The following LAG3 variants were observed in gnomAD, a reference collection of about 807,000 sequenced individuals.
The protein encoded by LAG3 is lymphocyte activation gene 3 protein.
Under a neutral mutation model 49.0 loss-of-function variants are expected in LAG3, and 29 were observed. The ratio of observed to expected loss-of-function variants is 0.59; its 90% CI spans 0.44 to 0.81. The LOEUF is 0.81. Ranked by LOEUF, LAG3 falls within the 30% of genes least tolerant of loss-of-function variation. The pLI is 0.00. For synonymous variants in LAG3, 320 were observed against 297.3 expected, an observed-to-expected ratio of 1.08 and a Z score of -0.79; for missense variants, 693 against 695.2, an observed-to-expected ratio of 1.00 and a Z score of 0.04.
At chr12:6,775,589 T>C (rs758548176) in intron 5 of LAG3, 41 bp downstream of exon 5, 27 of 1,602,100 alleles carry the variant, frequency 1.7e-5, no homozygotes, top group African/African-American at 5.4e-5. Flanking sequence ...CCTCCCAGGG[T>C]AGAAAGGACA....
At position 6,773,602 on chromosome 12, in the gene LAG3, G is replaced by A; in HGVS notation, c.207-95G>A. 7.6e-7 allele frequency: 1 copy of A among 1,319,268 alleles called. No homozygotes were observed. Among genetic ancestry groups the A allele is most frequent in the Non-Finnish European group, 9.7e-7 (1 of 1,032,646 alleles). The allele number at this position is 1,319,268 out of a possible 1,614,324, so 81.7% of individuals were successfully genotyped here. A position where few individuals can be genotyped will look rare whatever the true frequency, so the allele number is the denominator to read the frequency against. Reference sequence around the variant, plus strand: ...ACGGTTGGTGGTCAAGAGAACTCTTGGGGCGGGCTTTCTCATCCTCAACGG... The same window carrying A: ...ACGGTTGGTGGTCAAGAGAACTCTTAGGGCGGGCTTTCTCATCCTCAACGG... On this transcript the variant is annotated intron_variant, in intron 2 of 7. Coordinates refer to ENST00000203629, the MANE Select transcript of LAG3 (RefSeq NM_002286.6). This position sits in a 1 kb window ranked among gnomAD's most constrained non-coding sequence, Gnocchi z 5.5.
At position 6,778,334 on chromosome 12, in the gene LAG3, C is replaced by T. The variant is rs748463565; in HGVS notation, c.1522C>T (p.Pro508Ser). ...AGAGGAGCTGGAGCAAGAACCGGAG[C>T]CGGAGCCGGAGCCGGAACCGGAGCC... Reference protein sequence around the residue: ...KIEELEQEPEPEPEPEPEPEP... With the variant: ...KIEELEQEPESEPEPEPEPEP... Residue 508 changes from proline (P) to serine (S), a missense_variant, in exon 8 of 8, where the codon CCG becomes TCG. Coordinates refer to ENST00000203629, the MANE Select transcript of LAG3 (RefSeq NM_002286.6). 6.2e-7 allele frequency: 1 copy of T among 1,613,050 alleles called. No individual in the cohort carries two copies. The highest frequency in any genetic ancestry group is 1.1e-5 in the South Asian group (1 of 91,072).
chr12:6,778,327 A>ACCGGAGCCGGAGCCGGAG lies in LAG3; in HGVS notation c.1521_1538dup (p.Glu515_Pro520dup). The ACCGGAGCCGGAGCCGGAG allele has an allele frequency of 2.5e-6, 4 of 1,613,304 alleles. No homozygotes were observed. Among genetic ancestry groups the ACCGGAGCCGGAGCCGGAG allele is most frequent in the Middle Eastern group, 3.3e-4 (2 of 6,058 alleles). ...GCAAGATAGAGGAGCTGGAGCAAGAACCGGAGCCGGAGCCGGAGCCGGAAC... is the reference window on the plus strand; with the variant it reads ...GCAAGATAGAGGAGCTGGAGCAAGAACCGGAGCCGGAGCCGGAGCCGGAGCCGGAGCCGGAGCCGGAAC... On this transcript the variant is annotated inframe_insertion, in exon 8 of 8. Coordinates refer to ENST00000203629, the MANE Select transcript of LAG3 (RefSeq NM_002286.6).
intron 5 of LAG3, 108 bp from the exon 6 acceptor site, chr12:6,777,156 T>G: frequency 7.5e-7 from 1 of 1,330,904 alleles, no homozygotes; most frequent in Non-Finnish European, 1.1e-6. Context: ...CAACCTCCCC[T>G]GGCCAGAACC....
intron 5 of LAG3, 91 bp downstream of exon 5, chr12:6,775,639 C>T (rs778710009): frequency 1.0e-5 from 13 of 1,279,732 alleles, no homozygotes; most frequent in Non-Finnish European, 1.2e-5. Flanking sequence ...GGCAAACCCA[C>T]CCTGTGATGC....
At position 6,773,673 on chromosome 12, in the gene LAG3, A is replaced by G; in HGVS notation, c.207-24A>G. 4 of 1,366,836 alleles carry G rather than the reference A, an allele frequency of 2.9e-6. No individual in the cohort carries two copies. The highest frequency in any genetic ancestry group is 3.7e-6 in the Non-Finnish European group (4 of 1,067,284). The allele number at this position is 1,366,836 out of a possible 1,614,324, so 84.7% of individuals were successfully genotyped here. On this transcript the variant is annotated intron_variant, in intron 2 of 7. Coordinates refer to ENST00000203629, the MANE Select transcript of LAG3 (RefSeq NM_002286.6). This position sits in a 1 kb window ranked among gnomAD's most constrained non-coding sequence, Gnocchi z 5.5. ...GGGCTTCCTACCCCTGGAGCTTCTC[A>G]ACTCCATTCTCTTTCCCGCCCAGTG...
chr12:6,777,925 A>G lies in LAG3; in HGVS notation c.1431+4A>G. The stretch of plus-strand genomic sequence containing the variant: ...CTTTCACCTTTGGAGAAGACAGGTG[A>G]GCCAGGGACATGGCAACCCCGCCCC... On this transcript the variant is annotated splice_donor_region_variant and intron_variant, in intron 7 of 7. Transcript: ENST00000203629. 1.9e-6 allele frequency: 3 copies of G among 1,612,958 alleles called. No individual in the cohort carries two copies. Among genetic ancestry groups the G allele is most frequent in the Non-Finnish European group, 2.5e-6 (3 of 1,179,804 alleles).
At chr12:6,775,167 G>A in intron 4 of LAG3, 106 bp from the exon 5 acceptor site, 2 of 1,269,970 alleles carry the variant, frequency 1.6e-6, no homozygotes, top group Non-Finnish European at 1.1e-6. Context: ...GCACTCTTAT[G>A]AGCCAGACCA....
chr12:6,778,231 T>C lies in LAG3; in HGVS notation c.1432-13T>C, dbSNP rs1335662646. 6.4e-7 allele frequency: 1 copy of C among 1,569,474 alleles called. No homozygotes were observed. On this transcript the variant is annotated splice_polypyrimidine_tract_variant and intron_variant, in intron 7 of 7. Coordinates refer to ENST00000203629, the MANE Select transcript of LAG3 (RefSeq NM_002286.6). ...CTTCCGCCCTCCGTCTCTCTCTCCA[T>C]CTCTTCTCACAGTGGCGACCAAGAC... is the stretch of plus-strand genomic sequence containing the variant.
chr12:6,775,175 C>A, intron 4 of LAG3, 98 bp from the exon 5 acceptor site: 1 of 1,310,288 alleles, frequency 7.6e-7, no homozygotes, highest in Non-Finnish European at 1.1e-6. Context: ...ATGAGCCAGA[C>A]CATCTCCTGA....
intron 6 of LAG3, 135 bp downstream of exon 6, chr12:6,777,641 G>A: frequency 6.8e-7 from 1 of 1,462,020 alleles, no homozygotes; most frequent in East Asian, 2.4e-5. Context: ...TTTGCCTAGG[G>A]TTGACCCGTT....
rs1279074759 is a variant in LAG3, at chr12:6,773,044, AC to A, written c.58+138del. On this transcript the variant is annotated intron_variant, in intron 1 of 7. Coordinates refer to ENST00000203629, the MANE Select transcript of LAG3 (RefSeq NM_002286.6). The surrounding 1 kb of genome is among the most constrained non-coding windows in gnomAD (Gnocchi z 5.5). ...AATCCCTTTTTTGGGCAGTCCTTCC[AC>A]CCCGAAAGCCTCTCTGGGCAGAGAA... 7.3e-7 allele frequency: 1 copy of A among 1,369,020 alleles called. No homozygotes were observed. Among genetic ancestry groups the A allele is most frequent in the African/African-American group, 1.5e-5 (1 of 68,902 alleles). The allele number at this position is 1,369,020 out of a possible 1,614,324, so 84.8% of individuals were successfully genotyped here.
chr12:6,777,177 C>T, intron 5 of LAG3, 87 bp from the exon 6 acceptor site: 1 of 1,511,606 alleles, frequency 6.6e-7, no homozygotes, highest in Non-Finnish European at 9.1e-7. Context: ...CAAGTGAGTG[C>T]AGGGTGATTG....
rs1941928917 is a variant in LAG3, at chr12:6,778,244, T to C, written c.1432T>C (p.Trp478Arg). The C allele has an allele frequency of 2.5e-6, 4 of 1,581,340 alleles. No homozygotes were observed. In the East Asian group the frequency reaches 9.4e-5, roughly 37 times the overall value. ...TCTCTCTCTCCATCTCTTCTCACAG[T>C]GGCGACCAAGACGATTTTCTGCCTT... ...AFGFHLWRRQ[W>R]RPRRFSALEQ... Residue 478 changes from tryptophan to arginine, a missense_variant and splice_region_variant, in exon 8 of 8, where the codon TGG (tryptophan) becomes CGG (arginine). Physicochemically the swap from Trp to Arg is moderately radical, Grantham distance 101. Coordinates refer to ENST00000203629, the MANE Select transcript of LAG3 (RefSeq NM_002286.6).
Position 6,773,997 on chromosome 12 carries a change from C to T in LAG3, c.507C>T (p.Ala169=), listed in dbSNP as rs1299681416. 7.0e-7 allele frequency: 1 copy of T among 1,427,636 alleles called. No individual in the cohort carries two copies. The highest frequency in any genetic ancestry group is 9.1e-7 in the Non-Finnish European group (1 of 1,100,060). 88.4% of individuals were successfully genotyped at this position (1,427,636 alleles called of 1,614,324 possible). ...SCRLRLRLGQ[A]SMTASPPGSL... ...GCCTCCGTCTGCGCCTGGGCCAGGC[C>T]TCGAGTATGTGGGGCGGGACGATGG... Residue 169 remains alanine (A), a synonymous_variant, in exon 3 of 8, where the codon GCC becomes GCT. Coordinates refer to ENST00000203629, the MANE Select transcript of LAG3 (RefSeq NM_002286.6). The surrounding 1 kb of genome is among the most constrained non-coding windows in gnomAD (Gnocchi z 5.5).
rs374239106 is a variant in LAG3, at chr12:6,777,887, C to T, written c.1397C>T (p.Thr466Ile). The change falls in exon 7 of 8, where the codon ACT becomes ATT. Residue 466 changes from threonine to isoleucine, a missense_variant. Physicochemically the swap from Thr to Ile is moderately conservative, Grantham distance 89. Transcript: ENST00000203629. ...GTCCTTTCTCTGCTCCTTTTGGTGA[C>T]TGGAGCCTTTGGCTTTCACCTTTGG... ...LGVLSLLLLV[T>I]GAFGFHLWRR... The T allele has an allele frequency of 1.8e-5, 29 of 1,613,900 alleles. No homozygotes were observed. Among genetic ancestry groups the T allele is most frequent in the Non-Finnish European group, 2.2e-5 (26 of 1,179,974 alleles).
In LAG3 at chr12:6,773,093, C is replaced by T; in HGVS notation, c.59-99C>T. ...GAAGAAACAGAAACCCAAGTTCTTC[C>T]TGCACCCTGTTTCTCCCTCGGGAAA... On this transcript the variant is annotated intron_variant, in intron 1 of 7. Transcript: ENST00000203629. This position sits in a 1 kb window ranked among gnomAD's most constrained non-coding sequence, Gnocchi z 5.5. 1 of 1,466,920 alleles carries T rather than the reference C, an allele frequency of 6.8e-7. No homozygotes were observed. The highest frequency in any genetic ancestry group is 2.3e-5 in the East Asian group (1 of 43,926). 90.9% of individuals were successfully genotyped at this position (1,466,920 alleles called of 1,614,324 possible).
intron 6 of LAG3, 57 bp from the exon 7 acceptor site, chr12:6,777,734 T>C (rs1592497778): frequency 1.9e-6 from 3 of 1,592,226 alleles, no homozygotes; most frequent in Admixed American, 1.7e-5. Flanking sequence ...TCTGAGAGAA[T>C]GACAAAGTGT....
In LAG3 at chr12:6,773,829, G is replaced by A; in HGVS notation, c.339G>A (p.Arg113=). ...SVGPGGLRSG[R]LPLQPRVQLD... The stretch of plus-strand genomic sequence containing the variant: ...GTCCCGGAGGCCTGCGCAGCGGGAG[G>A]CTGCCCCTGCAGCCCCGCGTCCAGC... The change falls in exon 3 of 8, where the codon AGG becomes AGA. Residue 113 remains arginine (R), a synonymous_variant. Transcript: ENST00000203629. The surrounding 1 kb of genome is among the most constrained non-coding windows in gnomAD (Gnocchi z 5.5). 7.1e-7 allele frequency: 1 copy of A among 1,406,250 alleles called. No individual in the cohort carries two copies. Among genetic ancestry groups the A allele is most frequent in the East Asian group, 3.1e-5 (1 of 32,648 alleles). The allele number at this position is 1,406,250 out of a possible 1,614,324, so 87.1% of individuals were successfully genotyped here.
Sources: allele counts gnomAD v4.1 joint callset, GRCh38; gene constraint gnomAD v4.1.1; non-coding constraint Gnocchi (gnomAD v3.1); transcripts MANE v1.5; gene names NCBI Gene and HGNC (gene_info 2026-07-23, HGNC 2026-07-21).